ELOC: variants seen among roughly 807,000 people sequenced by gnomAD.
ELOC encodes elongin C, also known as elongin-C.
For missense variants in ELOC, 38 were observed against 139.0 expected, an observed-to-expected ratio of 0.27 and a Z score of 3.65; for synonymous variants, 40 against 51.3, an observed-to-expected ratio of 0.78 and a Z score of 0.94.
rs868436990 is a variant in ELOC, at chr8:73,952,241, T to G, written c.148+3670A>C. Among the ~76,000 whole-genome samples the G allele has an allele frequency of 1.2e-4, 18 of 151,780 alleles. 1 individual carries two copies. The highest frequency in any genetic ancestry group is 4.3e-4 in the African/African-American group (18 of 41,398). ...CAACACGGTGAAACTCCATCTCCAC[T>G]AAAAACACAAAAACTAGCCAGGTGT... On this transcript the variant is annotated intron_variant, in intron 3 of 3. Coordinates refer to ENST00000520242, the MANE Select transcript of ELOC (RefSeq NM_005648.4).
intron 2 of ELOC, among the ~76,000 whole-genome samples, chr8:73,956,802 T>A (rs1814218981): frequency 6.6e-6 from 1 of 152,200 alleles, no homozygotes; most frequent in Admixed American, 6.6e-5. Context: ...GTTCTAAAAG[T>A]TAAGACTTCT....
At chr8:73,970,867 AAC>A (rs1491167554) in intron 1 of ELOC, among the ~76,000 whole-genome samples, 13 of 139,484 alleles carry the variant, frequency 9.3e-5, no homozygotes, top group Admixed American at 3.8e-4. Flanking sequence ...AACAAAACAA[AAC>A]AAAAAAAAAA....
At chr8:73,971,983 G>A (rs1815442402) in intron 1 of ELOC, 94 bp downstream of exon 1, 1 of 152,310 alleles carries the variant, frequency 6.6e-6, no homozygotes, top group Admixed American at 6.5e-5. Flanking sequence ...GAAGGGAAGG[G>A]GTGGGAAGTG....
chr8:73,965,792 T>C (rs1473949933), intron 1 of ELOC, among the ~76,000 whole-genome samples: 1 of 152,232 alleles, frequency 6.6e-6, no homozygotes, highest in Non-Finnish European at 1.5e-5. Context: ...CTAATTAAGC[T>C]TTTGAAAGTG....
chr8:73,947,674 A>C (rs1813469770), intron 3 of ELOC, among the ~76,000 whole-genome samples: 1 of 151,434 alleles, frequency 6.6e-6, no homozygotes, highest in Non-Finnish European at 1.5e-5. Context: ...CCTGGGCTCA[A>C]GTGATCCTCC....
chr8:73,954,480 C>T (rs1186975478), intron 3 of ELOC, among the ~76,000 whole-genome samples: 1 of 151,502 alleles, frequency 6.6e-6, no homozygotes, highest in Non-Finnish European at 1.5e-5. Context: ...ACGGTGAAAC[C>T]CCGTCTCTAC....
intron 3 of ELOC, among the ~76,000 whole-genome samples, chr8:73,949,944 T>C (rs1399499804): frequency 1.3e-5 from 2 of 152,174 alleles, no homozygotes; most frequent in Non-Finnish European, 1.5e-5. Flanking sequence ...CATTGTCCTG[T>C]GGAAAAGCCC....
intron 1 of ELOC, among the ~76,000 whole-genome samples, chr8:73,962,200 T>A (rs902186486): frequency 2.6e-5 from 4 of 152,108 alleles, no homozygotes; most frequent in Admixed American, 6.6e-5. Context: ...CTGGCCTATC[T>A]TATTTAAAAA....
chr8:73,963,950 G>A (rs1216793240), intron 1 of ELOC, among the ~76,000 whole-genome samples: 1 of 151,948 alleles, frequency 6.6e-6, no homozygotes, highest in Non-Finnish European at 1.5e-5. Flanking sequence ...ATAATTAGCT[G>A]GGTGTAGTAG....
At chr8:73,962,756 A>C (rs531795250) in intron 1 of ELOC, among the ~76,000 whole-genome samples, 1 of 152,328 alleles carries the variant, frequency 6.6e-6, no homozygotes, top group South Asian at 2.1e-4. Flanking sequence ...TTCTCTACAG[A>C]GTTAATGTAG....
rs1229868223 is a variant in ELOC at position 73,946,820 on chromosome 8, C to A, written c.149G>T (p.Gly50Val). Residue 50 changes from glycine to valine, a missense_variant and splice_region_variant, in exon 4 of 4, where the codon GGT becomes GTT. By Grantham distance (109) the Gly-to-Val change is moderately radical. Transcript: ENST00000520242. ...GTIKAMLSGPGQFAENETNEV... is the reference protein window; with the variant it reads ...GTIKAMLSGPVQFAENETNEV... Reference sequence around the variant, plus strand: ...ATTGGTTTCGTTCTCAGCAAACTGACCTGTAAAACAAAAGAATTATGTATG... The same window carrying A: ...ATTGGTTTCGTTCTCAGCAAACTGAACTGTAAAACAAAAGAATTATGTATG... 1 of 1,603,036 alleles carries A rather than the reference C, an allele frequency of 6.2e-7. No individual in the cohort carries two copies.
At chr8:73,947,149 C>A (rs1188743142) in intron 3 of ELOC, among the ~76,000 whole-genome samples, 1 of 151,992 alleles carries the variant, frequency 6.6e-6, no homozygotes, top group African/African-American at 2.4e-5. Flanking sequence ...GCACCACGAC[C>A]GGCTAATTTT....
chr8:73,946,122 A>G lies in ELOC; in HGVS notation c.*508T>C, dbSNP rs929692010. 31 of 152,344 alleles carry G rather than the reference A, an allele frequency of 2.0e-4. No homozygotes were observed. Among genetic ancestry groups the G allele is most frequent in the African/African-American group, 7.5e-4 (31 of 41,460 alleles). The allele number at this position is 152,344 out of a possible 1,614,324, so 9.4% of individuals were successfully genotyped here. A position where few individuals can be genotyped will look rare whatever the true frequency, so the allele number is the denominator to read the frequency against. On this transcript the variant is annotated 3_prime_UTR_variant, in exon 4 of 4. Coordinates refer to ENST00000520242, the MANE Select transcript of ELOC (RefSeq NM_005648.4). ...ACTTAAAGAATACTGCAGTTTATCA[A>G]AAGACATAAGAAATTTCAACTCATA...
chr8:73,955,107 CTT>C (rs1814068371), intron 3 of ELOC, among the ~76,000 whole-genome samples: 1 of 146,216 alleles, frequency 6.8e-6, no homozygotes, highest in African/African-American at 2.5e-5. Context: ...CTTGTTGAAA[CTT>C]ATAGGATAAA....
intron 2 of ELOC, among the ~76,000 whole-genome samples, 176 bp downstream of exon 2, chr8:73,959,589 C>T (rs1005357070): frequency 2.0e-5 from 3 of 152,274 alleles, no homozygotes; most frequent in Admixed American, 6.5e-5. Context: ...TGTGGTCCAA[C>T]ACTGACCGAA....
At chr8:73,967,153 G>A (rs1815039070) in intron 1 of ELOC, among the ~76,000 whole-genome samples, 1 of 152,124 alleles carries the variant, frequency 6.6e-6, no homozygotes, top group Non-Finnish European at 1.5e-5. Context: ...ATTTCTATAT[G>A]TATCAAGGGC....
At chr8:73,951,255 G>T (rs1035898469) in intron 3 of ELOC, among the ~76,000 whole-genome samples, 9 of 152,006 alleles carry the variant, frequency 5.9e-5, no homozygotes, top group African/African-American at 2.2e-4. Flanking sequence ...CTGTGAGATA[G>T]AGCGAAAGAC....
chr8:73,952,773 A>G (rs534877481), intron 3 of ELOC, among the ~76,000 whole-genome samples: 8 of 48,286 alleles, frequency 1.7e-4, no homozygotes, highest in African/African-American at 3.6e-4. Flanking sequence ...AGGTGTCTCG[A>G]AAAAAAAAAA....
Position 73,946,208 on chromosome 8 carries a change from A to G in ELOC, c.*422T>C, listed in dbSNP as rs1023506709. 3 of 154,230 alleles carry G rather than the reference A, an allele frequency of 1.9e-5. No individual in the cohort carries two copies. Among genetic ancestry groups the G allele is most frequent in the African/African-American group, 4.8e-5 (2 of 41,516 alleles). 9.6% of individuals were successfully genotyped at this position (154,230 alleles called of 1,614,324 possible). A position where few individuals can be genotyped will look rare whatever the true frequency, so the allele number is the denominator to read the frequency against. On this transcript the variant is annotated 3_prime_UTR_variant, in exon 4 of 4. Transcript: ENST00000520242. ...TTATAAACATGTTTATAATGCAATTATTTGCATAACTCTAGTAATGCTAAT... is the reference window on the plus strand; with the variant it reads ...TTATAAACATGTTTATAATGCAATTGTTTGCATAACTCTAGTAATGCTAAT...
Sources: gnomAD v4.1 joint callset for allele counts (sites outside exome capture counted in the v4.1 genomes callset) on GRCh38, gnomAD v4.1.1 for gene constraint, MANE v1.5 for transcripts, NCBI Gene and HGNC (gene_info 2026-07-23, HGNC 2026-07-21) for gene names.